GHR: variants seen among roughly 807,000 people sequenced by gnomAD.
The protein encoded by GHR is growth hormone receptor.
In GHR, 35 loss-of-function variants were observed where a neutral mutation model predicts 67.1. The observed-to-expected ratio is 0.52, with a 90% confidence interval of 0.40 to 0.69. The LOEUF (loss-of-function observed/expected upper bound fraction) is 0.69, where lower values mean the gene tolerates loss of function less well. GHR is among the 30% of genes least tolerant of loss of function. GHR has a pLI of 0.00. For synonymous variants in GHR, 272 were observed against 269.1 expected, an observed-to-expected ratio of 1.01 and a Z score of -0.10; for missense variants, 792 against 764.6, an observed-to-expected ratio of 1.04 and a Z score of -0.42.
At chr5:42,544,723 G>T (rs1748662656) in intron 1 of GHR, among the ~76,000 whole-genome samples, 2 of 152,054 alleles carry the variant, frequency 1.3e-5, no homozygotes, top group African/African-American at 4.8e-5. Flanking sequence ...GCATCAAAAA[G>T]TTCCATATAA....
chr5:42,448,258 TA>T (rs1174120143), intron 1 of GHR, among the ~76,000 whole-genome samples: 12 of 152,122 alleles, frequency 7.9e-5, no homozygotes, highest in Non-Finnish European at 4.4e-5. Flanking sequence ...CAACATCTAT[TA>T]TTTTTTTATT....
intron 1 of GHR, among the ~76,000 whole-genome samples, chr5:42,533,662 G>T (rs71625688): frequency 6.6e-6 from 1 of 151,598 alleles, no homozygotes; most frequent in African/African-American, 2.4e-5. Flanking sequence ...TATTGAGAAT[G>T]CTTTTATTAT....
At chr5:42,559,311 C>T (rs147694224) in intron 1 of GHR, among the ~76,000 whole-genome samples, 2,003 of 152,116 alleles carry the variant, frequency 0.013, 18 homozygotes, top group Middle Eastern at 0.034. Flanking sequence ...GAGGCCGAGA[C>T]GGAAGGATCA....
intron 1 of GHR, among the ~76,000 whole-genome samples, chr5:42,443,096 T>TG (rs1257656629): frequency 6.6e-6 from 1 of 152,218 alleles, no homozygotes; most frequent in Non-Finnish European, 1.5e-5. Context: ...AATGTCAGTC[T>TG]GGCTACAAAG....
At chr5:42,705,416 T>A (rs148935792) in intron 6 of GHR, among the ~76,000 whole-genome samples, 99 of 152,166 alleles carry the variant, frequency 6.5e-4, no homozygotes, top group African/African-American at 2.4e-3. Flanking sequence ...TTTAACTATT[T>A]TTTTAGGTTC....
At chr5:42,680,245 C>T (rs1307770439) in intron 3 of GHR, among the ~76,000 whole-genome samples, 4 of 152,146 alleles carry the variant, frequency 2.6e-5, no homozygotes, top group Non-Finnish European at 4.4e-5. Flanking sequence ...AAAGTGATTT[C>T]GGCTGACAAT....
At chr5:42,681,851 G>T (rs1261694634) in intron 3 of GHR, among the ~76,000 whole-genome samples, 1 of 147,534 alleles carries the variant, frequency 6.8e-6, no homozygotes, top group East Asian at 2.0e-4. Flanking sequence ...CAGGAGAATG[G>T]CATGAACCCG....
chr5:42,482,483 G>A (rs1745690074), intron 1 of GHR, among the ~76,000 whole-genome samples: 1 of 152,204 alleles, frequency 6.6e-6, no homozygotes, highest in Non-Finnish European at 1.5e-5. Context: ...CTCAGAGAGG[G>A]AGCCTACAGA....
At chr5:42,509,544 C>T (rs1477676459) in intron 1 of GHR, among the ~76,000 whole-genome samples, 1 of 152,234 alleles carries the variant, frequency 6.6e-6, no homozygotes. Context: ...CTTCTGTTAA[C>T]AGAGAGCTTC....
At chr5:42,582,865 T>G (rs984186675) in intron 2 of GHR, among the ~76,000 whole-genome samples, 5 of 152,236 alleles carry the variant, frequency 3.3e-5, no homozygotes, top group African/African-American at 1.2e-4. Flanking sequence ...TGCTGGTGCC[T>G]GGAGCTGCTC....
intron 1 of GHR, among the ~76,000 whole-genome samples, chr5:42,442,482 G>A (rs1269607966): frequency 2.0e-5 from 3 of 152,198 alleles, no homozygotes; most frequent in African/African-American, 7.2e-5. Context: ...GGAGCTTCTG[G>A]AGTGATAAAC....
intron 2 of GHR, among the ~76,000 whole-genome samples, chr5:42,571,048 C>T (rs1210870686): frequency 6.6e-6 from 1 of 152,176 alleles, no homozygotes; most frequent in Non-Finnish European, 1.5e-5. Context: ...ACTATCAGTG[C>T]CTTCTTTTCC....
intron 2 of GHR, among the ~76,000 whole-genome samples, chr5:42,601,124 A>C (rs558807486): frequency 1.1e-4 from 16 of 151,836 alleles, no homozygotes; most frequent in East Asian, 5.8e-4. Context: ...ATGAGGTTTC[A>C]TCATATTGGT....
chr5:42,556,265 A>G (rs1028537961), intron 1 of GHR, among the ~76,000 whole-genome samples: 2 of 152,198 alleles, frequency 1.3e-5, no homozygotes, highest in African/African-American at 4.8e-5. Context: ...TATTTAGTAT[A>G]CTATAAATTA....
chr5:42,448,729 T>A (rs1743924466), intron 1 of GHR, among the ~76,000 whole-genome samples: 1 of 151,952 alleles, frequency 6.6e-6, no homozygotes, highest in Non-Finnish European at 1.5e-5. Context: ...TGAGAAGAGT[T>A]TTTTTGATGT....
chr5:42,677,355 G>A (rs746567400), intron 3 of GHR, among the ~76,000 whole-genome samples: 17 of 152,302 alleles, frequency 1.1e-4, no homozygotes, highest in African/African-American at 1.7e-4. Flanking sequence ...CAGTATCTGC[G>A]TGAGTGTGGT....
At chr5:42,441,125 G>C (rs1302249295) in intron 1 of GHR, among the ~76,000 whole-genome samples, 1 of 152,158 alleles carries the variant, frequency 6.6e-6, no homozygotes, top group African/African-American at 2.4e-5. Context: ...AAAATGAAGT[G>C]AGAGAAGAAA....
intron 3 of GHR, among the ~76,000 whole-genome samples, chr5:42,658,731 A>G (rs1416095780): frequency 6.6e-6 from 1 of 152,156 alleles, no homozygotes. Flanking sequence ...GGCATCTAGT[A>G]GGTAGAGAGT....
At chr5:42,625,611 TA>T (rs759856735) in intron 2 of GHR, among the ~76,000 whole-genome samples, 2 of 152,052 alleles carry the variant, frequency 1.3e-5, no homozygotes, top group African/African-American at 2.4e-5. Flanking sequence ...ATTTAAGAAA[TA>T]CGTTGATTTG....
Sources: gnomAD v4.1 joint callset for allele counts (sites outside exome capture counted in the v4.1 genomes callset) on GRCh38, gnomAD v4.1.1 for gene constraint, MANE v1.5 for transcripts, NCBI Gene and HGNC (gene_info 2026-07-23, HGNC 2026-07-21) for gene names.